The following PUS7 variants were observed in gnomAD, a reference collection of about 807,000 sequenced individuals.
PUS7 encodes the protein pseudouridine synthase 7.
In PUS7, 48 loss-of-function variants were observed where a neutral mutation model predicts 79.8. The observed-to-expected ratio is 0.60, with a 90% CI of 0.48 to 0.76. PUS7 has a LOEUF of 0.76. Among genes scored for constraint, PUS7 ranks in the 30% least tolerant of loss-of-function variants. PUS7 has a pLI of 0.00. For synonymous variants in PUS7, 286 were observed against 272.2 expected, an observed-to-expected ratio of 1.05 and a Z score of -0.50; for missense variants, 729 against 797.6, an observed-to-expected ratio of 0.91 and a Z score of 1.04.
At chr7:105,471,053 C>A (rs1234357654) in intron 10 of PUS7, among the ~76,000 whole-genome samples, 1 of 152,212 alleles carries the variant, frequency 6.6e-6, no homozygotes, top group African/African-American at 2.4e-5. Flanking sequence ...CATACAATCA[C>A]CCTCAGGTCA....
chr7:105,465,979 G>A (rs558215877), intron 12 of PUS7, among the ~76,000 whole-genome samples: 3 of 152,038 alleles, frequency 2.0e-5, no homozygotes, highest in Non-Finnish European at 1.5e-5. Context: ...ACAACATGGC[G>A]AAACCCCATC....
At chr7:105,482,194 C>T (rs1824350487) in intron 8 of PUS7, 118 bp downstream of exon 8, 1 of 1,235,064 alleles carries the variant, frequency 8.1e-7, no homozygotes, top group East Asian at 2.4e-5. Flanking sequence ...CCCTCCCTTG[C>T]TGCCACTCCT....
chr7:105,481,559 T>C (rs1427644061), intron 8 of PUS7, among the ~76,000 whole-genome samples: 1 of 152,170 alleles, frequency 6.6e-6, no homozygotes, highest in Admixed American at 6.6e-5. Flanking sequence ...TGGACAATCC[T>C]CACCACTATC....
intron 9 of PUS7, among the ~76,000 whole-genome samples, chr7:105,478,432 C>T (rs1410662505): frequency 6.6e-6 from 1 of 152,164 alleles, no homozygotes; most frequent in Non-Finnish European, 1.5e-5. Context: ...ACATTTCCAC[C>T]AGGAATGTAT....
In PUS7 at chr7:105,481,195, A is replaced by G. The variant is rs1824305956; in HGVS notation, c.1050-18T>C. On this transcript the variant is annotated intron_variant, in intron 8 of 15. Transcript: ENST00000469408. ...TTATATTTCTACAGGGACACAAATT[A>G]TCCAGAGGAAAAAAAGTTACAGTCA... The G allele has an allele frequency of 5.6e-6, 9 of 1,598,220 alleles. No individual in the cohort carries two copies. Among genetic ancestry groups the G allele is most frequent in the Non-Finnish European group, 7.7e-6 (9 of 1,173,854 alleles).
intron 15 of PUS7, among the ~76,000 whole-genome samples, chr7:105,458,428 T>C (rs1480705289): frequency 7.0e-6 from 1 of 142,194 alleles, no homozygotes; most frequent in Non-Finnish European, 1.6e-5. Context: ...GCCCGCCTAA[T>C]TTTTTTTTTT....
chr7:105,459,948 T>A (rs753508368), intron 14 of PUS7, among the ~76,000 whole-genome samples: 8 of 151,922 alleles, frequency 5.3e-5, no homozygotes, highest in Non-Finnish European at 8.8e-5. Context: ...CTGACAAATC[T>A]TTTTTTCTTA....
At position 105,462,691 on chromosome 7, in the gene PUS7, G is replaced by A. The variant is rs1348040263; in HGVS notation, c.1687C>T (p.His563Tyr). Residue 563 changes from histidine (H) to tyrosine (Y), a missense_variant, in exon 14 of 16, where the codon CAC (histidine) becomes TAC (tyrosine). Transcript: ENST00000469408. Reference sequence around the variant, plus strand: ...GACAAGGAATAATCTCGAATTTTGTGTCTCATGTTGTCAATATCAAGATTG... The same window carrying A: ...GACAAGGAATAATCTCGAATTTTGTATCTCATGTTGTCAATATCAAGATTG... ...ADNLDIDNMR[H>Y]KIRDYSLSGA... 3.7e-6 allele frequency: 6 copies of A among 1,613,584 alleles called. No homozygotes were observed. The highest frequency in any genetic ancestry group is 5.1e-6 in the Non-Finnish European group (6 of 1,179,750).
intron 6 of PUS7, among the ~76,000 whole-genome samples, chr7:105,494,312 T>C (rs1204299545): frequency 6.6e-6 from 1 of 152,158 alleles, no homozygotes; most frequent in African/African-American, 2.4e-5. Flanking sequence ...AAAAAATTAA[T>C]TCATCCATTG....
chr7:105,494,040 G>A (rs1310314601), intron 6 of PUS7, among the ~76,000 whole-genome samples: 5 of 152,104 alleles, frequency 3.3e-5, no homozygotes, highest in Non-Finnish European at 5.9e-5. Flanking sequence ...GCACCTTGCC[G>A]ATCCCCAGAG....
At chr7:105,520,158 T>C (rs1826048966) in intron 1 of PUS7, among the ~76,000 whole-genome samples, 1 of 151,844 alleles carries the variant, frequency 6.6e-6, no homozygotes, top group Admixed American at 6.6e-5. Context: ...ACCCCGTCTC[T>C]ACTAAAAATA....
intron 13 of PUS7, 117 bp downstream of exon 13, chr7:105,465,196 G>T (rs773967880): frequency 3.5e-6 from 2 of 572,818 alleles, no homozygotes; most frequent in Non-Finnish European, 6.0e-6. Context: ...AATTTTCCAT[G>T]TGAATGCATC....
At chr7:105,501,256 T>C (rs1007902338) in intron 5 of PUS7, among the ~76,000 whole-genome samples, 1 of 152,228 alleles carries the variant, frequency 6.6e-6, no homozygotes, top group African/African-American at 2.4e-5. Context: ...TTTTGTTATA[T>C]GGTCTTAGAA....
intron 1 of PUS7, among the ~76,000 whole-genome samples, chr7:105,519,454 G>T (rs1307063195): frequency 1.3e-5 from 2 of 151,952 alleles, no homozygotes; most frequent in Admixed American, 6.6e-5. Context: ...TGGCCAGGAT[G>T]GTCTCAAACT....
intron 11 of PUS7, among the ~76,000 whole-genome samples, chr7:105,469,274 C>T (rs1471479782): frequency 1.3e-5 from 2 of 151,356 alleles, no homozygotes; most frequent in Non-Finnish European, 2.9e-5. Flanking sequence ...TTTCCTTCTA[C>T]TTTAATCTCT....
Position 105,457,660 on chromosome 7 carries a change from T to C in PUS7, c.*130A>G. ...ATTATTTCTTTAAGCTAATAAAAAC[T>C]TAAAAATACAAATAATTTTTATTAC... On this transcript the variant is annotated 3_prime_UTR_variant, in exon 16 of 16. Transcript: ENST00000469408. 1.0e-6 allele frequency: 1 copy of C among 958,168 alleles called. No homozygotes were observed. Among genetic ancestry groups the C allele is most frequent in the Middle Eastern group, 2.6e-4 (1 of 3,844 alleles). 59.4% of individuals were successfully genotyped at this position (958,168 alleles called of 1,614,324 possible).
intron 1 of PUS7, among the ~76,000 whole-genome samples, chr7:105,511,084 T>C (rs1825682217): frequency 7.1e-6 from 1 of 140,704 alleles, no homozygotes; most frequent in South Asian, 2.5e-4. Flanking sequence ...CAGGCTGGAG[T>C]GCAGTGGCAC....
rs144170327 is a variant in PUS7 at position 105,472,190 on chromosome 7, A to G, written c.1179T>C (p.Ala393=). The part of the protein sequence containing the change: ...TAVPTYQVGR[A]ILQNSWTEVM... The stretch of plus-strand genomic sequence containing the variant: ...CTTCTGTCCAGGAATTTTGTAGTAT[A>G]GCTCTAAAATTAAACAACATTTATT... Residue 393 remains alanine, a synonymous_variant, in exon 10 of 16, where the codon GCT becomes GCC. Transcript: ENST00000469408. The G allele has an allele frequency of 1.9e-5, 30 of 1,576,266 alleles. 1 individual carries two copies. The highest frequency in any genetic ancestry group is 3.5e-4 in the Middle Eastern group (2 of 5,714).
intron 6 of PUS7, among the ~76,000 whole-genome samples, chr7:105,493,475 T>C (rs1342149342): frequency 2.6e-5 from 4 of 152,226 alleles, no homozygotes; most frequent in South Asian, 4.1e-4. Context: ...AGGGAGTTAA[T>C]AAATAGAGCA....
Sources: allele counts gnomAD v4.1 joint callset (sites outside exome capture counted in the v4.1 genomes callset), GRCh38; gene constraint gnomAD v4.1.1; transcripts MANE v1.5; gene names NCBI Gene and HGNC (gene_info 2026-07-23, HGNC 2026-07-21).